PLCL2: variants seen among roughly 807,000 people sequenced by gnomAD.
PLCL2 encodes the protein inactive phospholipase C-like protein 2.
PLCL2 carries 4 observed loss-of-function variants against 79.6 expected under a neutral mutation model. The ratio of observed to expected loss-of-function variants is 0.05; its 90% CI spans 0.02 to 0.11. PLCL2 has a LOEUF of 0.11. Ranked by LOEUF, PLCL2 falls within the 10% of genes least tolerant of loss-of-function variation. The pLI is 1.00. For missense variants in PLCL2, 895 were observed against 1,291.0 expected, an observed-to-expected ratio of 0.69 and a Z score of 4.70; for synonymous variants, 484 against 457.7, an observed-to-expected ratio of 1.06 and a Z score of -0.73.
chr3:16,995,935 A>G (rs945985817), intron 1 of PLCL2, among the ~76,000 whole-genome samples: 1 of 152,216 alleles, frequency 6.6e-6, no homozygotes, highest in African/African-American at 2.4e-5. Context: ...AAGAGAGGTT[A>G]GCCACACTCA....
chr3:17,066,933 C>T (rs2065016139), intron 4 of PLCL2, among the ~76,000 whole-genome samples: 1 of 151,906 alleles, frequency 6.6e-6, no homozygotes, highest in East Asian at 1.9e-4. Flanking sequence ...GTAGAGAAGA[C>T]CATAAAGGAG....
intron 1 of PLCL2, among the ~76,000 whole-genome samples, chr3:16,936,020 G>C (rs1697530448): frequency 1.3e-5 from 2 of 152,128 alleles, no homozygotes; most frequent in African/African-American, 2.4e-5. Flanking sequence ...TTGTATGTTG[G>C]TAGGTTCCTT....
At chr3:16,902,150 C>G (rs1296907829) in intron 1 of PLCL2, among the ~76,000 whole-genome samples, 5 of 152,190 alleles carry the variant, frequency 3.3e-5, no homozygotes, top group Admixed American at 1.3e-4. Context: ...TTATCCTGCC[C>G]CCTCCTCCTA....
At chr3:16,964,427 G>C (rs1019388876) in intron 1 of PLCL2, among the ~76,000 whole-genome samples, 1 of 152,040 alleles carries the variant, frequency 6.6e-6, no homozygotes, top group East Asian at 1.9e-4. Context: ...TCATTGATGG[G>C]CATTTGGGTT....
At chr3:16,977,755 A>G (rs1201350662) in intron 1 of PLCL2, among the ~76,000 whole-genome samples, 1 of 152,152 alleles carries the variant, frequency 6.6e-6, no homozygotes, top group Non-Finnish European at 1.5e-5. Flanking sequence ...CCAGGCCACC[A>G]TTACAAAATA....
chr3:16,921,312 C>G (rs553992059), intron 1 of PLCL2, among the ~76,000 whole-genome samples: 2 of 152,298 alleles, frequency 1.3e-5, no homozygotes, highest in Non-Finnish European at 2.9e-5. Flanking sequence ...TCATCTGTTT[C>G]ATCATATAAG....
chr3:16,909,945 A>G (rs1696837623), intron 1 of PLCL2, among the ~76,000 whole-genome samples: 1 of 152,106 alleles, frequency 6.6e-6, no homozygotes, highest in Non-Finnish European at 1.5e-5. Flanking sequence ...TCACACACAC[A>G]GATTCTGCCT....
intron 5 of PLCL2, among the ~76,000 whole-genome samples, chr3:17,069,009 C>T (rs1052728565): frequency 6.6e-6 from 1 of 152,196 alleles, no homozygotes; most frequent in Admixed American, 6.5e-5. Flanking sequence ...GCTTCCCTTT[C>T]ACCCGCTGAA....
chr3:17,059,184 C>G (rs2064920098), intron 4 of PLCL2, among the ~76,000 whole-genome samples: 1 of 151,918 alleles, frequency 6.6e-6, no homozygotes, highest in South Asian at 2.1e-4. Flanking sequence ...TATGATACAT[C>G]CTTATAATGG....
At chr3:16,964,042 C>CT (rs1356609934) in intron 1 of PLCL2, among the ~76,000 whole-genome samples, 2 of 152,054 alleles carry the variant, frequency 1.3e-5, no homozygotes, top group Non-Finnish European at 2.9e-5. Context: ...TTTTATTATA[C>CT]TTTAAGTTCT....
At chr3:16,906,220 G>A (rs897023460) in intron 1 of PLCL2, among the ~76,000 whole-genome samples, 3 of 152,068 alleles carry the variant, frequency 2.0e-5, no homozygotes, top group African/African-American at 7.2e-5. Context: ...AATATTGTGG[G>A]GCTGTAAGCA....
chr3:16,912,814 A>G (rs1696912713), intron 1 of PLCL2, among the ~76,000 whole-genome samples: 1 of 152,176 alleles, frequency 6.6e-6, no homozygotes, highest in Non-Finnish European at 1.5e-5. Flanking sequence ...AAACCAGCCA[A>G]TGGAACAAAA....
chr3:16,911,113 C>T (rs768397176), intron 1 of PLCL2, among the ~76,000 whole-genome samples: 7 of 151,942 alleles, frequency 4.6e-5, no homozygotes, highest in South Asian at 2.1e-4. Context: ...ATTAGCTGGG[C>T]GTGGTGGCAT....
At chr3:17,032,094 T>G (rs1220682981) in intron 3 of PLCL2, among the ~76,000 whole-genome samples, 1 of 152,152 alleles carries the variant, frequency 6.6e-6, no homozygotes, top group Non-Finnish European at 1.5e-5. Context: ...GGTTAAAAAC[T>G]AAAATTTGAG....
At chr3:16,954,240 T>C (rs1002579175) in intron 1 of PLCL2, among the ~76,000 whole-genome samples, 9 of 152,146 alleles carry the variant, frequency 5.9e-5, no homozygotes, top group Admixed American at 1.3e-4. Flanking sequence ...TGTGTTCTCA[T>C]TGTTCAATTC....
intron 3 of PLCL2, among the ~76,000 whole-genome samples, chr3:17,017,486 A>G (rs1441396472): frequency 2.0e-5 from 3 of 152,208 alleles, no homozygotes; most frequent in Non-Finnish European, 4.4e-5. Flanking sequence ...TATTAAAGCT[A>G]GCCAGAATAG....
intron 1 of PLCL2, among the ~76,000 whole-genome samples, chr3:16,906,968 C>A (rs963238715): frequency 3.2e-4 from 49 of 152,296 alleles, no homozygotes; most frequent in Middle Eastern, 3.4e-3. Context: ...CGCTGAGTTG[C>A]AGAGTTTAAG....
At chr3:17,067,337 A>T (rs1438781376) in intron 4 of PLCL2, among the ~76,000 whole-genome samples, 1 of 152,228 alleles carries the variant, frequency 6.6e-6, no homozygotes, top group Admixed American at 6.5e-5. Context: ...AAAACCCTGT[A>T]AACTAAATTT....
At chr3:17,067,287 C>T (rs762194826) in intron 4 of PLCL2, among the ~76,000 whole-genome samples, 2 of 151,992 alleles carry the variant, frequency 1.3e-5, no homozygotes, top group Non-Finnish European at 2.9e-5. Context: ...AGATTTTCCA[C>T]CTAATGGAAA....
Sources: allele counts gnomAD v4.1 joint callset (sites outside exome capture counted in the v4.1 genomes callset), GRCh38; gene constraint gnomAD v4.1.1; transcripts MANE v1.5; gene names NCBI Gene and HGNC (gene_info 2026-07-23, HGNC 2026-07-21).